RUFY3: variants seen among roughly 807,000 people sequenced by gnomAD.
The protein encoded by RUFY3 is RUN and FYVE domain containing 3, also known as protein RUFY3.
In RUFY3, 34 loss-of-function variants were observed where a neutral mutation model predicts 84.0. That is an observed-to-expected ratio of 0.40 (90% CI 0.31 to 0.54). The LOEUF (loss-of-function observed/expected upper bound fraction) is 0.54, where lower values mean the gene tolerates loss of function less well. RUFY3 is among the 20% of genes least tolerant of loss of function. The pLI is 0.39. For synonymous variants in RUFY3, 242 were observed against 252.9 expected (o/e 0.96, Z 0.41); for missense variants, 507 against 736.8 (o/e 0.69, Z 3.61).
intron 12 of RUFY3, chr4:70,789,875 A>G (rs950041462): frequency 9.3e-7 from 1 of 1,072,930 alleles, no homozygotes; most frequent in South Asian, 2.9e-5. Context: ...TGTCAGAGTC[A>G]TGTGTTAGAG....
intron 14 of RUFY3, among the ~76,000 whole-genome samples, chr4:70,798,282 T>C (rs1731777773): frequency 6.6e-6 from 1 of 151,968 alleles, no homozygotes; most frequent in Non-Finnish European, 1.5e-5. Context: ...GGTAGGAGGA[T>C]CACTTGAGCC....
At chr4:70,787,391 G>A (rs1730083453) in intron 10 of RUFY3, among the ~76,000 whole-genome samples, 1 of 150,526 alleles carries the variant, frequency 6.6e-6, no homozygotes, top group Non-Finnish European at 1.5e-5. Context: ...CTGAATGGCT[G>A]GAATTACAGG....
intron 10 of RUFY3, among the ~76,000 whole-genome samples, chr4:70,787,403 G>A (rs1333288966): frequency 2.7e-5 from 4 of 150,756 alleles, no homozygotes; most frequent in South Asian, 2.1e-4. Flanking sequence ...AATTACAGGC[G>A]CCTGCCACCA....
intron 12 of RUFY3, chr4:70,791,547 AT>A (rs1730818293): frequency 2.3e-6 from 3 of 1,316,822 alleles, no homozygotes; most frequent in African/African-American, 1.5e-5. Flanking sequence ...TTGAGAAATT[AT>A]TTCTGAGTTG....
At chr4:70,707,655 C>T (rs1189531980) in intron 1 of RUFY3, among the ~76,000 whole-genome samples, 14 of 151,656 alleles carry the variant, frequency 9.2e-5, no homozygotes, top group Non-Finnish European at 1.5e-4. Context: ...GGAATATATA[C>T]GTGTCCCACT....
chr4:70,798,806 CA>C (rs1474417368), intron 14 of RUFY3, among the ~76,000 whole-genome samples: 1 of 147,840 alleles, frequency 6.8e-6, no homozygotes, highest in Non-Finnish European at 1.5e-5. Flanking sequence ...AGTCTGTCTC[CA>C]AAACAAACAA....
intron 1 of RUFY3, among the ~76,000 whole-genome samples, chr4:70,723,788 A>G (rs1200273461): frequency 6.6e-6 from 1 of 152,220 alleles, no homozygotes; most frequent in Non-Finnish European, 1.5e-5. Flanking sequence ...CCATAGGTGA[A>G]TTGTACCTAG....
At chr4:70,729,053 T>G (rs1399228649) in intron 1 of RUFY3, among the ~76,000 whole-genome samples, 4 of 152,190 alleles carry the variant, frequency 2.6e-5, no homozygotes, top group Admixed American at 2.0e-4. Context: ...GGGGTATATT[T>G]GAGAACAGTA....
At position 70,791,947 on chromosome 4, in the gene RUFY3, T is replaced by C. The variant is rs1045834578; in HGVS notation, c.1338-1838T>C. The C allele has an allele frequency of 1.5e-5, 15 of 984,254 alleles. No individual in the cohort carries two copies. The African/African-American group carries it at 2.4e-4, about 16-fold the overall frequency. The allele number at this position is 984,254 out of a possible 1,614,324, so 61.0% of individuals were successfully genotyped here. ...AAAGAAAAAGCAGCATCCTTATATT[T>C]CTTTAAAATACATAGAAATAAAGTT... On this transcript the variant is annotated intron_variant, in intron 12 of 17. Coordinates refer to ENST00000381006, the MANE Select transcript of RUFY3 (RefSeq NM_001037442.4).
chr4:70,741,983 C>T (rs1721390190), intron 1 of RUFY3, among the ~76,000 whole-genome samples: 1 of 152,074 alleles, frequency 6.6e-6, no homozygotes, highest in African/African-American at 2.4e-5. Context: ...ATTACTCATG[C>T]AAATACATGT....
At chr4:70,803,052 C>A in intron 16 of RUFY3, 69 bp downstream of exon 16, 3 of 1,178,916 alleles carry the variant, frequency 2.5e-6, no homozygotes, top group Non-Finnish European at 3.7e-6. Context: ...GCCTAGCCAG[C>A]AAATAAGGTA....
intron 15 of RUFY3, among the ~76,000 whole-genome samples, chr4:70,800,425 G>A (rs1270768288): frequency 6.6e-6 from 1 of 152,224 alleles, no homozygotes; most frequent in African/African-American, 2.4e-5. Flanking sequence ...TGATCAGGCT[G>A]TCCTCTCTTC....
rs199865106 is a variant in RUFY3, at chr4:70,788,954, A to G, written c.1220A>G (p.Glu407Gly). Residue 407 changes from glutamate to glycine, a missense_variant, in exon 11 of 18, where the codon GAA becomes GGA. Glu to Gly is a moderately conservative substitution (Grantham distance 98, BLOSUM62 -2). Around this residue, in one of 4 missense-constraint regions of RUFY3, gnomAD observed 334 missense variants for 364.1 expected, o/e 0.92. Coordinates refer to ENST00000381006, the MANE Select transcript of RUFY3 (RefSeq NM_001037442.4). ...QLDDLRALKH[E>G]LAFKLQSSDL... ...GATGACCTCAGAGCTCTCAAGCATG[A>G]ACTTGCCTTTAAGCTGCAGGTAGGG... 1 of 1,614,118 alleles carries G rather than the reference A, an allele frequency of 6.2e-7. No individual in the cohort carries two copies. The highest frequency in any genetic ancestry group is 2.2e-5 in the East Asian group (1 of 44,892).
At chr4:70,788,747 A>G (rs760112257) in intron 10 of RUFY3, 59 bp from the exon 11 acceptor site, 17 of 1,559,572 alleles carry the variant, frequency 1.1e-5, no homozygotes, top group Non-Finnish European at 1.5e-5. Context: ...GTGAAATATT[A>G]TGGTTTGTAC....
intron 1 of RUFY3, among the ~76,000 whole-genome samples, chr4:70,716,854 A>G (rs1210707255): frequency 6.6e-6 from 1 of 151,630 alleles, no homozygotes; most frequent in African/African-American, 2.4e-5. Flanking sequence ...TCAAAAAAAA[A>G]AAAAAAAGAA....
At chr4:70,792,270 T>C in intron 12 of RUFY3, 2 of 984,220 alleles carry the variant, frequency 2.0e-6, no homozygotes, top group Non-Finnish European at 1.2e-6. Flanking sequence ...GAGTTTCTGT[T>C]ACTTTTTGTT....
At chr4:70,749,650 G>A (rs1722806702) in intron 1 of RUFY3, among the ~76,000 whole-genome samples, 1 of 147,030 alleles carries the variant, frequency 6.8e-6, no homozygotes, top group African/African-American at 2.5e-5. Flanking sequence ...CTTTTTTCTT[G>A]TCTTGTCTTT....
chr4:70,714,640 A>G (rs1284578293), intron 1 of RUFY3, among the ~76,000 whole-genome samples: 2 of 152,250 alleles, frequency 1.3e-5, no homozygotes, highest in Non-Finnish European at 2.9e-5. Flanking sequence ...TTGCAAGGCT[A>G]TATACATATC....
At chr4:70,759,378 G>A (rs1578113823) in intron 1 of RUFY3, among the ~76,000 whole-genome samples, 1 of 149,320 alleles carries the variant, frequency 6.7e-6, no homozygotes, top group Non-Finnish European at 1.5e-5. Context: ...GTGTATGTGT[G>A]TGTGTGTGTG....
Sources: gnomAD v4.1 joint callset for allele counts (sites outside exome capture counted in the v4.1 genomes callset) on GRCh38, gnomAD v4.1.1 for gene constraint, gnomAD v4.1.1 regional missense constraint, MANE v1.5 for transcripts, NCBI Gene and HGNC (gene_info 2026-07-23, HGNC 2026-07-21) for gene names.